PTPRK: variants seen among roughly 807,000 people sequenced by gnomAD.
PTPRK encodes protein tyrosine phosphatase receptor type K, also known as receptor-type tyrosine-protein phosphatase kappa.
In PTPRK, 75 loss-of-function variants were observed where a neutral mutation model predicts 178.0. The observed-to-expected ratio is 0.42, with a 90% confidence interval of 0.35 to 0.51. PTPRK has a LOEUF of 0.51. Ranked by LOEUF, PTPRK falls within the 20% of genes least tolerant of loss-of-function variation. The pLI is 0.02. For missense variants in PTPRK, 1,441 were observed against 1,797.8 expected, an observed-to-expected ratio of 0.80 and a Z score of 3.59; for synonymous variants, 637 against 620.6, an observed-to-expected ratio of 1.03 and a Z score of -0.39.
chr6:128,178,189 G>A (rs573225828), intron 7 of PTPRK, among the ~76,000 whole-genome samples: 2 of 151,768 alleles, frequency 1.3e-5, no homozygotes, highest in African/African-American at 4.8e-5. Flanking sequence ...TCTCTTCTTT[G>A]GATTACTGAA....
chr6:128,015,543 C>T (rs1429848049), intron 13 of PTPRK, among the ~76,000 whole-genome samples: 1 of 151,734 alleles, frequency 6.6e-6, no homozygotes, highest in Non-Finnish European at 1.5e-5. Context: ...CTACATATTA[C>T]TAGTTGGATG....
chr6:128,350,765 T>C (rs1263679925), intron 2 of PTPRK, among the ~76,000 whole-genome samples: 1 of 152,182 alleles, frequency 6.6e-6, no homozygotes, highest in Non-Finnish European at 1.5e-5. Context: ...ACTCTTAAAA[T>C]GAAAAGTTAT....
rs78008604 is a variant in PTPRK, at chr6:128,102,367, T to C, written c.1163-12375A>G. Among the ~76,000 whole-genome samples, 468 of 152,302 alleles carry C rather than the reference T, an allele frequency of 3.1e-3. 2 individuals carry two copies. The highest frequency in any genetic ancestry group is 0.011 in the African/African-American group (442 of 41,572). The stretch of plus-strand genomic sequence containing the variant: ...GGCAGGTAAATTTATTTTAATGTAA[T>C]AAAGTCAAAGCACTGTTGGAAAAAA... On this transcript the variant is annotated intron_variant, in intron 7 of 29. Coordinates refer to ENST00000368226, the MANE Select transcript of PTPRK (RefSeq NM_002844.4).
At chr6:128,267,402 CTCTTT>C (rs1819133146) in intron 3 of PTPRK, among the ~76,000 whole-genome samples, 1 of 152,048 alleles carries the variant, frequency 6.6e-6, no homozygotes, top group African/African-American at 2.4e-5. Flanking sequence ...GGAAATATCT[CTCTTT>C]TATTTTTGTA....
intron 3 of PTPRK, among the ~76,000 whole-genome samples, chr6:128,311,710 G>A (rs920461993): frequency 6.6e-6 from 1 of 152,054 alleles, no homozygotes; most frequent in Non-Finnish European, 1.5e-5. Context: ...ATGTTGCTCA[G>A]GCTGGATTAG....
At chr6:128,335,140 G>A (rs1830747792) in intron 2 of PTPRK, among the ~76,000 whole-genome samples, 1 of 152,082 alleles carries the variant, frequency 6.6e-6, no homozygotes, top group South Asian at 2.1e-4. Flanking sequence ...AGGCTCTGAA[G>A]TCAGAGGCCT....
chr6:127,970,746 T>G, intron 29 of PTPRK, among the ~76,000 whole-genome samples: 1 of 152,202 alleles, frequency 6.6e-6, no homozygotes. Context: ...AATATAACTA[T>G]GTATATTTCA....
intron 2 of PTPRK, among the ~76,000 whole-genome samples, chr6:128,323,163 C>A (rs970753730): frequency 6.6e-6 from 1 of 152,066 alleles, no homozygotes; most frequent in African/African-American, 2.4e-5. Context: ...GAGTCCCACT[C>A]TCATAGCTCA....
At chr6:128,078,511 C>G (rs960409458) in intron 11 of PTPRK, among the ~76,000 whole-genome samples, 1 of 151,796 alleles carries the variant, frequency 6.6e-6, no homozygotes, top group African/African-American at 2.4e-5. Flanking sequence ...TTTCAATTAC[C>G]CACCATCAAA....
At chr6:128,130,377 A>G (rs1351964850) in intron 7 of PTPRK, among the ~76,000 whole-genome samples, 1 of 152,182 alleles carries the variant, frequency 6.6e-6, no homozygotes. Context: ...GGCATATATG[A>G]AAGCCCTAAA....
intron 13 of PTPRK, among the ~76,000 whole-genome samples, chr6:128,039,997 T>TA (rs1213409144): frequency 6.6e-6 from 1 of 152,234 alleles, no homozygotes; most frequent in South Asian, 2.1e-4. Flanking sequence ...ATTCTAAATT[T>TA]AAAAAAAGCA....
intron 7 of PTPRK, among the ~76,000 whole-genome samples, chr6:128,170,208 G>A (rs2114641592): frequency 6.6e-6 from 1 of 152,120 alleles, no homozygotes; most frequent in African/African-American, 2.4e-5. Flanking sequence ...GCCTGTGGGA[G>A]CCCGAGTGTT....
chr6:128,094,264 A>C (rs2115036792), intron 7 of PTPRK, among the ~76,000 whole-genome samples: 1 of 152,332 alleles, frequency 6.6e-6, no homozygotes, highest in South Asian at 2.1e-4. Flanking sequence ...ACATAGTAAA[A>C]TAACATTAAT....
chr6:128,381,316 TTCTA>T (rs1246484069), intron 2 of PTPRK, among the ~76,000 whole-genome samples: 4 of 152,328 alleles, frequency 2.6e-5, no homozygotes, highest in East Asian at 3.9e-4. Context: ...TACCTCATTA[TTCTA>T]TCTTTGTTAT....
intron 1 of PTPRK, among the ~76,000 whole-genome samples, chr6:128,511,114 G>A (rs1457982724): frequency 1.3e-5 from 2 of 152,110 alleles, no homozygotes; most frequent in Non-Finnish European, 2.9e-5. Context: ...CTTTAAAGTA[G>A]TCCTTAAAGG....
At chr6:128,293,154 T>C (rs1422529739) in intron 3 of PTPRK, among the ~76,000 whole-genome samples, 2 of 152,052 alleles carry the variant, frequency 1.3e-5, no homozygotes. Context: ...TAAGTGGAGG[T>C]AGCCATTGTT....
intron 2 of PTPRK, among the ~76,000 whole-genome samples, chr6:128,341,978 C>T (rs983244556): frequency 1.3e-5 from 2 of 152,148 alleles, no homozygotes; most frequent in African/African-American, 4.8e-5. Flanking sequence ...TACGGCCAGT[C>T]GCAGTGGCTC....
At chr6:128,323,883 T>C (rs1456619233) in intron 2 of PTPRK, among the ~76,000 whole-genome samples, 1 of 152,088 alleles carries the variant, frequency 6.6e-6, no homozygotes, top group Non-Finnish European at 1.5e-5. Context: ...GGCACATTAA[T>C]AGAATAAACT....
At chr6:128,408,388 A>G (rs977776599) in intron 1 of PTPRK, among the ~76,000 whole-genome samples, 1 of 151,966 alleles carries the variant, frequency 6.6e-6, no homozygotes, top group African/African-American at 2.4e-5. Context: ...ACTCTCTCAA[A>G]CAAACAAACA....
Sources: allele counts gnomAD v4.1 joint callset (sites outside exome capture counted in the v4.1 genomes callset), GRCh38; gene constraint gnomAD v4.1.1; transcripts MANE v1.5; gene names NCBI Gene and HGNC (gene_info 2026-07-23, HGNC 2026-07-21).